PDE1C: variants seen among roughly 807,000 people sequenced by gnomAD.
PDE1C encodes dual specificity calcium/calmodulin-dependent 3',5'-cyclic nucleotide phosphodiesterase 1C.
PDE1C carries 62 observed loss-of-function variants against 93.1 expected under a neutral mutation model. The observed-to-expected ratio is 0.67, with a 90% confidence interval of 0.54 to 0.82. PDE1C has a LOEUF of 0.82. Ranked by LOEUF, PDE1C falls within the 40% of genes least tolerant of loss-of-function variation. PDE1C has a pLI of 0.00. For missense variants in PDE1C, 742 were observed against 884.6 expected, an observed-to-expected ratio of 0.84 and a Z score of 2.04; for synonymous variants, 325 against 310.1, an observed-to-expected ratio of 1.05 and a Z score of -0.50.
intron 1 of PDE1C, among the ~76,000 whole-genome samples, chr7:32,402,020 A>G (rs1784953677): frequency 6.6e-6 from 1 of 152,194 alleles, no homozygotes; most frequent in African/African-American, 2.4e-5. Context: ...TTTTATATAC[A>G]TGATCTATTT....
chr7:31,756,122 A>C (rs1024582507), intron 17 of PDE1C, among the ~76,000 whole-genome samples: 3 of 152,156 alleles, frequency 2.0e-5, no homozygotes, highest in African/African-American at 7.2e-5. Flanking sequence ...CAGTGAGCCA[A>C]GATGGTACAC....
chr7:32,264,338 T>C (rs1810420669), intron 1 of PDE1C, among the ~76,000 whole-genome samples: 3 of 152,252 alleles, frequency 2.0e-5, no homozygotes, highest in African/African-American at 7.2e-5. Flanking sequence ...ATATACATTA[T>C]CTCAATGACC....
chr7:31,985,180 T>C (rs767264735), intron 2 of PDE1C, among the ~76,000 whole-genome samples: 12 of 152,136 alleles, frequency 7.9e-5, no homozygotes, highest in Non-Finnish European at 1.6e-4. Context: ...AGCAGTACCA[T>C]AGCAGTCATG....
intron 1 of PDE1C, among the ~76,000 whole-genome samples, chr7:32,308,394 C>A (rs1193854165): frequency 6.6e-6 from 1 of 152,246 alleles, no homozygotes; most frequent in Admixed American, 6.5e-5. Flanking sequence ...GTGGTTCTCC[C>A]AGCACGCAGC....
In PDE1C at chr7:32,069,723, A is replaced by C. The variant is rs150509789; in HGVS notation, c.101+570T>G. ...GTTCAAATATTGCAAGAAAACCCCA[A>C]TATCGTTTCTGCCCCCCCTTTCTCC... is the stretch of plus-strand genomic sequence containing the variant. On this transcript the variant is annotated intron_variant, in intron 1 of 17. Transcript: ENST00000396191. 5.3e-3 allele frequency among the ~76,000 whole-genome samples: 807 copies of C among 152,252 alleles called. 1 individual carries two copies. The highest frequency in any genetic ancestry group is 8.3e-3 in the Non-Finnish European group (564 of 68,016).
chr7:31,932,523 T>C (rs182526761), intron 2 of PDE1C, among the ~76,000 whole-genome samples: 1 of 152,304 alleles, frequency 6.6e-6, no homozygotes, highest in East Asian at 1.9e-4. Flanking sequence ...AGATACCATC[T>C]CATACCAGTT....
intron 1 of PDE1C, among the ~76,000 whole-genome samples, chr7:32,317,216 G>T (rs1783193055): frequency 6.6e-6 from 1 of 152,146 alleles, no homozygotes; most frequent in Admixed American, 6.5e-5. Flanking sequence ...CAGAAGAGTT[G>T]GTGGACCTCT....
intron 3 of PDE1C, among the ~76,000 whole-genome samples, chr7:32,135,287 T>C (rs1473454318): frequency 1.3e-5 from 2 of 152,134 alleles, no homozygotes; most frequent in African/African-American, 4.8e-5. Context: ...GCAGTGATGG[T>C]GAGAAGTGAG....
chr7:32,204,372 G>A (rs1291258236), intron 2 of PDE1C, among the ~76,000 whole-genome samples: 1 of 152,166 alleles, frequency 6.6e-6, no homozygotes, highest in Non-Finnish European at 1.5e-5. Context: ...TCTTGTCCAC[G>A]ATTGCTCATC....
intron 1 of PDE1C, among the ~76,000 whole-genome samples, chr7:32,253,308 T>C (rs1401940934): frequency 6.6e-6 from 1 of 152,192 alleles, no homozygotes; most frequent in Non-Finnish European, 1.5e-5. Context: ...CACCACCTTA[T>C]TGGTGACCTT....
rs1341581666 is a variant in PDE1C, at chr7:32,158,446, G to A, written c.308+11339C>T. 2.6e-5 allele frequency among the ~76,000 whole-genome samples: 4 copies of A among 152,196 alleles called. No individual in the cohort carries two copies. In the East Asian group the frequency reaches 7.7e-4, roughly 29 times the overall value. ...CACTTAACAGTAATCAATAAATGGGGATCTGCAGCTAGGATACAGTTGTAG... is the reference window on the plus strand; with the variant it reads ...CACTTAACAGTAATCAATAAATGGGAATCTGCAGCTAGGATACAGTTGTAG... On this transcript the variant is annotated intron_variant, in intron 3 of 18. Coordinates refer to the PDE1C transcript ENST00000396193.
At chr7:32,236,796 C>T (rs1423919332) in intron 1 of PDE1C, among the ~76,000 whole-genome samples, 3 of 152,038 alleles carry the variant, frequency 2.0e-5, no homozygotes, top group Non-Finnish European at 2.9e-5. Flanking sequence ...AGTTTTTATC[C>T]TAAAGAAATG....
chr7:31,623,757 G>A, the PDE1C span, among the ~76,000 whole-genome samples: 2 of 150,520 alleles, frequency 1.3e-5, no homozygotes, highest in Admixed American at 1.3e-4. Context: ...CATAGTGTTG[G>A]AAGTTCTGGC....
At chr7:31,772,133 C>G (rs1256130352) in intron 17 of PDE1C, among the ~76,000 whole-genome samples, 2 of 152,048 alleles carry the variant, frequency 1.3e-5, no homozygotes, top group African/African-American at 4.8e-5. Context: ...TCCACCTCCT[C>G]CCTTAAACTT....
chr7:31,982,681 G>A (rs1482563467), intron 2 of PDE1C, among the ~76,000 whole-genome samples: 1 of 151,810 alleles, frequency 6.6e-6, no homozygotes, highest in Non-Finnish European at 1.5e-5. Flanking sequence ...TTGGAGTCAA[G>A]AACCAACTCA....
At chr7:32,211,868 TTTAACAACTTA>T (rs1178078298) in intron 1 of PDE1C, among the ~76,000 whole-genome samples, 3 of 150,630 alleles carry the variant, frequency 2.0e-5, no homozygotes, top group African/African-American at 7.3e-5. Context: ...CAAAAAAAGT[TTTAACAACTTA>T]GCCGGGTGTG....
At chr7:32,331,591 C>T (rs766293830) in intron 1 of PDE1C, among the ~76,000 whole-genome samples, 6 of 151,992 alleles carry the variant, frequency 3.9e-5, no homozygotes, top group African/African-American at 7.2e-5. Flanking sequence ...AGGTTGGAGG[C>T]GAGTTAGGAA....
At chr7:31,880,505 G>T (rs1797108368) in intron 3 of PDE1C, among the ~76,000 whole-genome samples, 1 of 152,020 alleles carries the variant, frequency 6.6e-6, no homozygotes, top group Non-Finnish European at 1.5e-5. Flanking sequence ...CCTCTTTCAT[G>T]ATCTCACTTC....
At chr7:31,857,955 T>G (rs1324010365) in intron 7 of PDE1C, among the ~76,000 whole-genome samples, 1 of 152,092 alleles carries the variant, frequency 6.6e-6, no homozygotes, top group Non-Finnish European at 1.5e-5. Context: ...CTAAAAATGT[T>G]AAATAAACAG....
Sources: allele counts gnomAD v4.1 joint callset (sites outside exome capture counted in the v4.1 genomes callset), GRCh38; gene constraint gnomAD v4.1.1; transcripts MANE v1.5; gene names NCBI Gene and HGNC (gene_info 2026-07-23, HGNC 2026-07-21).